The following UMOD variants were observed in gnomAD, a reference collection of about 807,000 sequenced individuals.
The protein encoded by UMOD is uromodulin.
In UMOD, 64 loss-of-function variants were observed where a neutral mutation model predicts 66.0. That is an observed-to-expected ratio of 0.97 (90% CI 0.79 to 1.19). UMOD has a LOEUF of 1.19. UMOD is among the 50% of genes most tolerant of loss of function. The pLI is 0.00. For missense variants in UMOD, 764 were observed against 850.9 expected (o/e 0.90, Z 1.27); for synonymous variants, 398 against 352.7 (o/e 1.13, Z -1.44).
chr16:20,350,868 C>A, intron 1 of UMOD, 29 bp from the exon 2 acceptor site: 1 of 1,535,430 alleles, frequency 6.5e-7, no homozygotes, highest in Non-Finnish European at 8.8e-7. Flanking sequence ...GGGACAAATG[C>A]ATGATCTAAC....
chr16:20,351,043 T>C (rs947948333), intron 1 of UMOD: 4 of 427,890 alleles, frequency 9.3e-6, no homozygotes, highest in Admixed American at 7.1e-5. Flanking sequence ...CAGTCTTGGC[T>C]CCCCAATTCT....
chr16:20,336,561 G>T, intron 9 of UMOD, 85 bp downstream of exon 9: 1 of 1,319,022 alleles, frequency 7.6e-7, no homozygotes, highest in Non-Finnish European at 1.1e-6. Context: ...TCAGTAAGGT[G>T]CCAAGGTGCC....
intron 5 of UMOD, among the ~76,000 whole-genome samples, chr16:20,345,041 T>C (rs1965465900): frequency 6.6e-6 from 1 of 152,124 alleles, no homozygotes; most frequent in Non-Finnish European, 1.5e-5. Flanking sequence ...TGGGACAGAG[T>C]CTCACTCTGT....
rs1385775524 is a variant in UMOD, at chr16:20,346,183, C to A, written c.1125G>T (p.Arg375=). Reference sequence around the variant, plus strand: ...CTGGGGTCACTACAGACACCCAGTCCCGGTTGTCTCTGTCATTGAAGCCCG... The same window carrying A: ...CTGGGGTCACTACAGACACCCAGTCACGGTTGTCTCTGTCATTGAAGCCCG... The part of the protein sequence containing the change: ...RCSGFNDRDN[R]DWVSVVTPAR... The change falls in exon 5 of 11, where the codon CGG becomes CGT. Residue 375 remains arginine, a synonymous_variant. Coordinates refer to ENST00000396138, the MANE Select transcript of UMOD (RefSeq NM_003361.4). 6.2e-7 allele frequency: 1 copy of A among 1,614,228 alleles called. No homozygotes were observed.
rs975142603 is a variant in UMOD at position 20,348,435 on chromosome 16, C to A, written c.865+1G>T. 2 of 1,614,000 alleles carry A rather than the reference C, an allele frequency of 1.2e-6. No individual in the cohort carries two copies. On this transcript the variant is annotated splice_donor_variant, in intron 3 of 10. Transcript: ENST00000396138. LOFTEE classifies it high-confidence loss of function. The stretch of plus-strand genomic sequence containing the variant: ...AGGACTGTGGGGAGACTCCGGCTGA[C>A]CTGTGCAGTACGCCAGGTGACACTC...
chr16:20,349,313 T>A lies in UMOD; in HGVS notation c.89-101A>T, dbSNP rs544753655. The A allele has an allele frequency of 5.9e-5, 80 of 1,365,108 alleles. 1 individual carries two copies. The East Asian group carries it at 1.7e-3, about 30-fold the overall frequency. The allele number at this position is 1,365,108 out of a possible 1,614,324, so 84.6% of individuals were successfully genotyped here. ...CCAGGGAACTCATTATTTTTAAGACTTATTCCCTAGAGGGCTCCCTCCAAA... is the reference window on the plus strand; with the variant it reads ...CCAGGGAACTCATTATTTTTAAGACATATTCCCTAGAGGGCTCCCTCCAAA... On this transcript the variant is annotated intron_variant, in intron 2 of 10. Transcript: ENST00000396138.
At position 20,333,374 on chromosome 16, in the gene UMOD, C is replaced by A; in HGVS notation, c.1863G>T (p.Gly621=). The A allele has an allele frequency of 6.2e-7, 1 of 1,611,952 alleles. No homozygotes were observed. The highest frequency in any genetic ancestry group is 1.1e-5 in the South Asian group (1 of 90,590). Residue 621 remains glycine (G), a splice_region_variant and synonymous_variant, in exon 11 of 11, where the codon GGG becomes GGT. Transcript: ENST00000396138. ...ATVSRAFSSL[G]LLKVWLPLLL... ...GCAGAGGCAGCCAGACTTTCAGGAG[C>A]CCTGAAAAGAAAACAGTGACAGGGC... is the stretch of plus-strand genomic sequence containing the variant.
chr16:20,351,034 A>G, intron 1 of UMOD, 195 bp from the exon 2 acceptor site: 1 of 448,278 alleles, frequency 2.2e-6, no homozygotes, highest in South Asian at 2.1e-5. Context: ...CCAACATCCC[A>G]GTCTTGGCTC....
At chr16:20,350,957 A>C in intron 1 of UMOD, 118 bp from the exon 2 acceptor site, 1 of 1,062,190 alleles carries the variant, frequency 9.4e-7, no homozygotes, top group Non-Finnish European at 1.3e-6. Context: ...TGGACTAAAA[A>C]ATTGCATAAC....
chr16:20,349,059 C>A lies in UMOD; in HGVS notation c.242G>T (p.Ser81Ile), dbSNP rs1165900047. The A allele has an allele frequency of 8.7e-6, 14 of 1,608,896 alleles. No homozygotes were observed. Among genetic ancestry groups the A allele is most frequent in the Non-Finnish European group, 1.2e-5 (14 of 1,177,804 alleles). ...IPGAHNCSANSSCVNTPGSFS... is the reference protein window; with the variant it reads ...IPGAHNCSANISCVNTPGSFS... ...GGAGCCTGGCGTGTTTACGCAGCTG[C>A]TGTTGGCGGAGCAGTTGTGAGCTCC... Residue 81 changes from serine (S) to isoleucine (I), a missense_variant, in exon 3 of 11, where the codon AGC (serine) becomes ATC (isoleucine). Coordinates refer to ENST00000396138, the MANE Select transcript of UMOD (RefSeq NM_003361.4).
intron 7 of UMOD, among the ~76,000 whole-genome samples, chr16:20,339,007 T>A (rs1432476641): frequency 6.6e-6 from 1 of 152,244 alleles, no homozygotes; most frequent in Admixed American, 6.5e-5. Flanking sequence ...GTGATCTGCC[T>A]GCCTCAGCCT....
chr16:20,352,990 A>T, upstream of UMOD: 1 of 347,664 alleles, frequency 2.9e-6, no homozygotes, highest in Non-Finnish European at 5.1e-6. Flanking sequence ...GAGATTCCAT[A>T]GTTAGAAATT....
chr16:20,344,236 T>G (rs1965410270), intron 5 of UMOD, 64 bp from the exon 6 acceptor site: 2 of 1,498,228 alleles, frequency 1.3e-6, no homozygotes, highest in East Asian at 2.3e-5. Flanking sequence ...AGAATCTGAG[T>G]AGGACTTCAA....
chr16:20,339,001 T>C (rs1965037511), intron 7 of UMOD, among the ~76,000 whole-genome samples: 1 of 152,234 alleles, frequency 6.6e-6, no homozygotes, highest in South Asian at 2.1e-4. Flanking sequence ...CCTCAGGTGA[T>C]CTGCCTGCCT....
chr16:20,352,869 GGTT>G (rs1965960389), upstream of UMOD: 3 of 591,476 alleles, frequency 5.1e-6, no homozygotes, highest in Non-Finnish European at 7.4e-6. Flanking sequence ...CAAGCTGTGA[GGTT>G]GTTGTTGTTC....
chr16:20,336,810 C>T, intron 8 of UMOD, 83 bp from the exon 9 acceptor site: 1 of 1,274,940 alleles, frequency 7.8e-7, no homozygotes, highest in Non-Finnish European at 1.1e-6. Context: ...CTGCCCACCT[C>T]ACAGGTGCCT....
intron 4 of UMOD, 30 bp downstream of exon 4, chr16:20,348,193 A>T (rs772148254): frequency 2.5e-6 from 4 of 1,604,724 alleles, no homozygotes; most frequent in Non-Finnish European, 3.4e-6. Context: ...CAGGTTTCTC[A>T]ACAACCCGCT....
rs776206432 is a variant in UMOD at position 20,336,624 on chromosome 16, G to GAGGA, written c.1822+18_1822+21dup. The stretch of plus-strand genomic sequence containing the variant: ...GAAATCTTTCCCAGCCAGGAATGTT[G>GAGGA]AGGAGCGAGTGGCTCTCTTACCTTT... On this transcript the variant is annotated intron_variant, in intron 9 of 10. Coordinates refer to ENST00000396138, the MANE Select transcript of UMOD (RefSeq NM_003361.4). 8 of 1,610,080 alleles carry GAGGA rather than the reference G, an allele frequency of 5.0e-6. No homozygotes were observed. In the Admixed American group the frequency reaches 1.2e-4, roughly 23 times the overall value.
At position 20,348,344 on chromosome 16, in the gene UMOD, G is replaced by A. The variant is rs1965699979; in HGVS notation, c.866-14C>T. Reference sequence around the variant, plus strand: ...CGGAGCTGGGGTCTGCAGGGTCACAGGGACAGACAGACAATCAATAAGGAC... The same window carrying A: ...CGGAGCTGGGGTCTGCAGGGTCACAAGGACAGACAGACAATCAATAAGGAC... On this transcript the variant is annotated splice_polypyrimidine_tract_variant and intron_variant, in intron 3 of 10. Coordinates refer to ENST00000396138, the MANE Select transcript of UMOD (RefSeq NM_003361.4). The A allele has an allele frequency of 1.9e-6, 3 of 1,614,204 alleles. No individual in the cohort carries two copies. Among genetic ancestry groups the A allele is most frequent in the South Asian group, 1.1e-5 (1 of 91,082 alleles).
Sources: allele counts gnomAD v4.1 joint callset (sites outside exome capture counted in the v4.1 genomes callset), GRCh38; gene constraint gnomAD v4.1.1; transcripts MANE v1.5; gene names NCBI Gene and HGNC (gene_info 2026-07-23, HGNC 2026-07-21).